Variants in EGR2 observed in about 807,000 individuals in gnomAD.
EGR2 encodes the protein early growth response 2.
In EGR2, 2 loss-of-function variants were observed where a neutral mutation model predicts 21.2. That is an observed-to-expected ratio of 0.09 (90% confidence interval 0.04 to 0.30). EGR2 has a LOEUF of 0.30. EGR2 is among the 10% of genes least tolerant of loss of function. The pLI is 1.00. For synonymous variants in EGR2, 282 were observed against 258.2 expected (o/e 1.09, Z -0.88); for missense variants, 458 against 630.2 (o/e 0.73, Z 2.93).
In EGR2 at chr10:62,816,151, A is replaced by G; in HGVS notation, c.-122T>C. The stretch of plus-strand genomic sequence containing the variant: ...CTCCTTTTGCCCTCCACACTTAAAA[A>G]CAACCACCACACACACCAAGAAAAA... On this transcript the variant is annotated 5_prime_UTR_variant, in exon 1 of 2. Coordinates refer to ENST00000242480, the MANE Select transcript of EGR2 (RefSeq NM_000399.5). The G allele has an allele frequency of 6.3e-7, 1 of 1,596,154 alleles. No individual in the cohort carries two copies. The highest frequency in any genetic ancestry group is 1.3e-5 in the African/African-American group (1 of 74,784).
chr10:62,818,244 G>C (rs1589084332), upstream of EGR2, among the ~76,000 whole-genome samples: 1 of 152,176 alleles, frequency 6.6e-6, no homozygotes, highest in East Asian at 1.9e-4. Flanking sequence ...GAGGCTGCCG[G>C]GAGCGGTCTC....
At chr10:62,815,823 G>A in intron 1 of EGR2, 38 bp downstream of exon 1, 1 of 1,612,298 alleles carries the variant, frequency 6.2e-7, no homozygotes, top group East Asian at 2.2e-5. Flanking sequence ...CCACCTCCGG[G>A]CCGCGCAGGT....
rs1842148316 is a variant in EGR2, at chr10:62,812,993, T to C, written c.*214A>G. 4.1e-6 allele frequency: 2 copies of C among 489,312 alleles called. No individual in the cohort carries two copies. The highest frequency in any genetic ancestry group is 6.9e-6 in the Non-Finnish European group (2 of 291,260). 30.3% of individuals were successfully genotyped at this position (489,312 alleles called of 1,614,324 possible). A position where few individuals can be genotyped will look rare whatever the true frequency, so the allele number is the denominator to read the frequency against. On this transcript the variant is annotated 3_prime_UTR_variant, in exon 2 of 2. Transcript: ENST00000242480. Reference sequence around the variant, plus strand: ...TCTGAGCCTCCCCTTTGCCTTGGGTTGATAGTCAACTCACCTAAGAGAGAC... The same window carrying C: ...TCTGAGCCTCCCCTTTGCCTTGGGTCGATAGTCAACTCACCTAAGAGAGAC...
rs776440321 is a variant in EGR2, at chr10:62,813,866, C to G, written c.772G>C (p.Val258Leu). 38 of 1,614,134 alleles carry G rather than the reference C, an allele frequency of 2.4e-5. No homozygotes were observed. Among genetic ancestry groups the G allele is most frequent in the Non-Finnish European group, 3.1e-5 (37 of 1,180,024 alleles). The change falls in exon 2 of 2, where the codon GTG (valine) becomes CTG (leucine). Residue 258 changes from valine (V) to leucine (L), a missense_variant. By Grantham distance (32) the Val-to-Leu change is conservative. This residue lies in a region of EGR2 where 253 missense variants were observed against 315.5 expected (regional missense o/e 0.80). Coordinates refer to ENST00000242480, the MANE Select transcript of EGR2 (RefSeq NM_000399.5). The surrounding 1 kb of genome is among the most constrained non-coding windows in gnomAD (Gnocchi z 5.7). ...PFPCPLDTLR[V>L]PPPLTPLSTI... is the part of the protein sequence containing the mutation. ...GAGAGTGGAGTGAGTGGAGGGGGCA[C>G]CCGCAGGGTGTCCAGTGGGCAGGGA...
chr10:62,814,907 G>A lies in EGR2; in HGVS notation c.170-439C>T, dbSNP rs1450685098. Among the ~76,000 whole-genome samples the A allele has an allele frequency of 6.6e-6, 1 of 152,194 alleles. No homozygotes were observed. The highest frequency in any genetic ancestry group is 2.4e-5 in the African/African-American group (1 of 41,444). ...GACCTATCCCAGTCAGTGCCGTGAT[G>A]GTGCCAAACCGAGAGGAGAGCCCGA... On this transcript the variant is annotated intron_variant, in intron 1 of 1. Coordinates refer to ENST00000242480, the MANE Select transcript of EGR2 (RefSeq NM_000399.5). This position sits in a 1 kb window ranked among gnomAD's most constrained non-coding sequence, Gnocchi z 4.8.
chr10:62,818,322 G>C (rs569286218), upstream of EGR2, among the ~76,000 whole-genome samples: 1 of 152,328 alleles, frequency 6.6e-6, no homozygotes, highest in South Asian at 2.1e-4. Context: ...TCCAGCGGCC[G>C]GCCATCTCTC....
chr10:62,812,140 G>A lies in EGR2; in HGVS notation c.*1067C>T, dbSNP rs543128534. 1.7e-4 allele frequency: 26 copies of A among 152,794 alleles called. No homozygotes were observed. Among genetic ancestry groups the A allele is most frequent in the Non-Finnish European group, 3.7e-4 (25 of 68,014 alleles). The allele number at this position is 152,794 out of a possible 1,614,324, so 9.5% of individuals were successfully genotyped here. ...AACAAATCAGCTCCGGTAACATTAT[G>A]TACATTCTTATCTGAAATTTGACTA... On this transcript the variant is annotated 3_prime_UTR_variant, in exon 2 of 2. Coordinates refer to ENST00000242480, the MANE Select transcript of EGR2 (RefSeq NM_000399.5).
upstream of EGR2, among the ~76,000 whole-genome samples, chr10:62,817,189 C>G (rs899538651): frequency 3.3e-5 from 5 of 152,292 alleles, no homozygotes; most frequent in Admixed American, 6.5e-5. This position sits in a 1 kb window ranked among gnomAD's most constrained non-coding sequence, Gnocchi z 4.4. Context: ...TCCCCGCCCC[C>G]CTTCAGCTGC....
chr10:62,816,319 C>G lies in EGR2; in HGVS notation c.-290G>C, dbSNP rs1842268662. 1 of 1,292,194 alleles carries G rather than the reference C, an allele frequency of 7.7e-7. No homozygotes were observed. The highest frequency in any genetic ancestry group is 3.3e-5 in the Admixed American group (1 of 30,536). The allele number at this position is 1,292,194 out of a possible 1,614,324, so 80.0% of individuals were successfully genotyped here. On this transcript the variant is annotated 5_prime_UTR_variant, in exon 1 of 2. Coordinates refer to ENST00000242480, the MANE Select transcript of EGR2 (RefSeq NM_000399.5). ...GCTGGTGTAGTGTTATTATAACAGT[C>G]AGTGAGTCCCCTCGCCGAGCTATTA...
intron 1 of EGR2, among the ~76,000 whole-genome samples, chr10:62,815,369 G>A (rs534783528): frequency 2.0e-5 from 3 of 152,328 alleles, no homozygotes; most frequent in East Asian, 3.9e-4. Flanking sequence ...CCTCCAGGCC[G>A]CAAGAAGGGA....
rs1419440640 is a variant in EGR2, at chr10:62,815,954, A to G, written c.76T>C (p.Tyr26His). The G allele has an allele frequency of 6.2e-7, 1 of 1,614,228 alleles. No homozygotes were observed. The highest frequency in any genetic ancestry group is 1.1e-5 in the South Asian group (1 of 91,086). Residue 26 changes from tyrosine to histidine, a missense_variant, in exon 1 of 2, where the codon TAC becomes CAC. Tyr to His is a moderately conservative substitution (Grantham distance 83). Around this residue, in one of 5 missense-constraint regions of EGR2, gnomAD observed 91 missense variants for 105.2 expected, o/e 0.87. Transcript: ENST00000242480. ...GFVHQLSDNIYPVEDLAATSV... is the reference protein window; with the variant it reads ...GFVHQLSDNIHPVEDLAATSV... ...GTGGCGGCGAGGTCCTCCACCGGGT[A>G]GATGTTGTCAGACAGCTGGTGCACA...
chr10:62,815,852 G>C lies in EGR2; in HGVS notation c.169+9C>G. ...CGCAGGTCCGGGCCTGCGAAGACAC[G>C]CGGCTTACCTCCGGCCACTCCGTTC... On this transcript the variant is annotated intron_variant, in intron 1 of 1. Coordinates refer to ENST00000242480, the MANE Select transcript of EGR2 (RefSeq NM_000399.5). The C allele has an allele frequency of 6.2e-7, 1 of 1,613,926 alleles. No individual in the cohort carries two copies. The highest frequency in any genetic ancestry group is 1.3e-5 in the African/African-American group (1 of 75,054).
intron 1 of EGR2, among the ~76,000 whole-genome samples, chr10:62,815,470 C>A (rs1249937875): frequency 6.6e-6 from 1 of 152,234 alleles, no homozygotes; most frequent in African/African-American, 2.4e-5. Context: ...GCTCTCCAGG[C>A]GCGCAGCTCT....
chr10:62,813,127 GGTAGTGTTT>G lies in EGR2; in HGVS notation c.*71_*79del. Reference sequence around the variant, plus strand: ...AAGGGAGAGAGGGACAGGAAAGGGTGGTAGTGTTTGTTGTGCAGCTCCAGTGGACAAAGG... The same window carrying G: ...AAGGGAGAGAGGGACAGGAAAGGGTGGTTGTGCAGCTCCAGTGGACAAAGG... On this transcript the variant is annotated 3_prime_UTR_variant, in exon 2 of 2. Coordinates refer to ENST00000242480, the MANE Select transcript of EGR2 (RefSeq NM_000399.5). The surrounding 1 kb of genome is among the most constrained non-coding windows in gnomAD (Gnocchi z 5.7). 1 of 1,416,930 alleles carries G rather than the reference GGTAGTGTTT, an allele frequency of 7.1e-7. No homozygotes were observed. The highest frequency in any genetic ancestry group is 9.5e-7 in the Non-Finnish European group (1 of 1,056,676). 87.8% of individuals were successfully genotyped at this position (1,416,930 alleles called of 1,614,324 possible). A position where few individuals can be genotyped will look rare whatever the true frequency, so the allele number is the denominator to read the frequency against.
Position 62,813,274 on chromosome 10 carries a change from C to T in EGR2, c.1364G>A (p.Ser455Asn). ...GGVQPGGTLC[S>N]SNSSSLGGGP... Reference sequence around the variant, plus strand: ...TCCGCCAAGACTGCTGCTGTTACTGCTGCACAGGGTACCCCCAGGCTGCAC... The same window carrying T: ...TCCGCCAAGACTGCTGCTGTTACTGTTGCACAGGGTACCCCCAGGCTGCAC... Residue 455 changes from serine to asparagine, a missense_variant, in exon 2 of 2, where the codon AGC becomes AAC. Physicochemically the swap from Ser to Asn is conservative, Grantham distance 46. This residue lies in a region of EGR2 where 69 missense variants were observed against 70.4 expected (regional missense o/e 0.98). Transcript: ENST00000242480. This position sits in a 1 kb window ranked among gnomAD's most constrained non-coding sequence, Gnocchi z 5.7. 1 of 1,569,302 alleles carries T rather than the reference C, an allele frequency of 6.4e-7. No individual in the cohort carries two copies. The highest frequency in any genetic ancestry group is 8.6e-7 in the Non-Finnish European group (1 of 1,157,426).
At chr10:62,818,498 A>G (rs1247206535), upstream of EGR2, 2 of 1,127,150 alleles carry the variant, frequency 1.8e-6, no homozygotes, top group Non-Finnish European at 2.3e-6. Context: ...CTCAAGAAAG[A>G]AAGAAAGAAA....
rs1011150442 is a variant in EGR2 at position 62,813,927 on chromosome 10, G to T, written c.711C>A (p.Asp237Glu). ...PGFFPSQCQRDLHGTAGPDRK... is the reference protein window; with the variant it reads ...PGFFPSQCQRELHGTAGPDRK... ...GGTCTGGGCCAGCTGTACCATGTAG[G>T]TCTCTCTGGCACTGAGATGGAAAGA... Residue 237 changes from aspartate (D) to glutamate (E), a missense_variant, in exon 2 of 2, where the codon GAC becomes GAA. Transcript: ENST00000242480. This position sits in a 1 kb window ranked among gnomAD's most constrained non-coding sequence, Gnocchi z 5.7. The T allele has an allele frequency of 3.0e-5, 48 of 1,614,108 alleles. No individual in the cohort carries two copies. Among genetic ancestry groups the T allele is most frequent in the Non-Finnish European group, 3.7e-5 (44 of 1,180,046 alleles).
At position 62,815,935 on chromosome 10, in the gene EGR2, G is replaced by C. The variant is rs781725959; in HGVS notation, c.95C>G (p.Ala32Gly). Residue 32 changes from alanine to glycine, a missense_variant, in exon 1 of 2, where the codon GCC (alanine) becomes GGC (glycine). Ala to Gly is a moderately conservative substitution (Grantham distance 60, BLOSUM62 0). Coordinates refer to ENST00000242480, the MANE Select transcript of EGR2 (RefSeq NM_000399.5). ...GGGAAAGATGGTCACCGACGTGGCG[G>C]CGAGGTCCTCCACCGGGTAGATGTT... ...SDNIYPVEDL[A>G]ATSVTIFPNA... 7.4e-6 allele frequency: 12 copies of C among 1,614,086 alleles called. 1 individual carries two copies. In the South Asian group the frequency reaches 1.1e-4, roughly 15 times the overall value.
chr10:62,815,908 T>C lies in EGR2; in HGVS notation c.122A>G (p.Asn41Ser), dbSNP rs570980722. Residue 41 changes from asparagine to serine, a missense_variant, in exon 1 of 2, where the codon AAT (asparagine) becomes AGT (serine). Transcript: ENST00000242480. ...GTCAAAGGGGCCTCCCAGTTCGGCA[T>C]TGGGAAAGATGGTCACCGACGTGGC... ...LAATSVTIFPNAELGGPFDQM... is the reference protein window; with the variant it reads ...LAATSVTIFPSAELGGPFDQM... 9.3e-6 allele frequency: 15 copies of C among 1,614,016 alleles called. No individual in the cohort carries two copies. The highest frequency in any genetic ancestry group is 4.5e-5 in the East Asian group (2 of 44,902).
Sources: gnomAD v4.1 joint callset for allele counts (sites outside exome capture counted in the v4.1 genomes callset) on GRCh38, gnomAD v4.1.1 for gene constraint, gnomAD v4.1.1 regional missense constraint, Gnocchi (gnomAD v3.1) non-coding constraint, MANE v1.5 for transcripts, NCBI Gene and HGNC (gene_info 2026-07-23, HGNC 2026-07-21) for gene names.